Variants in AOAH observed in about 807,000 individuals in gnomAD.
The protein encoded by AOAH is acyloxyacyl hydrolase (neutrophil).
In AOAH, 64 loss-of-function variants were observed where a neutral mutation model predicts 92.2. The observed-to-expected ratio is 0.69, with a 90% CI of 0.57 to 0.86. AOAH has a LOEUF of 0.86. AOAH is among the 40% of genes least tolerant of loss of function. The pLI, the probability that AOAH is intolerant of heterozygous loss-of-function variation, is 0.00. For synonymous variants in AOAH, 263 were observed against 254.5 expected, an observed-to-expected ratio of 1.03 and a Z score of -0.32; for missense variants, 656 against 694.6, an observed-to-expected ratio of 0.94 and a Z score of 0.62.
intron 1 of AOAH, among the ~76,000 whole-genome samples, chr7:36,711,508 C>T (rs1338240407): frequency 6.6e-6 from 1 of 152,080 alleles, no homozygotes; most frequent in African/African-American, 2.4e-5. Context: ...AGGTTTCCAC[C>T]TCAGAGCAAT....
chr7:36,534,139 C>T (rs1784867487), intron 16 of AOAH, among the ~76,000 whole-genome samples: 1 of 152,208 alleles, frequency 6.6e-6, no homozygotes, highest in African/African-American at 2.4e-5. Context: ...GTTTGTCCTG[C>T]TCCTGTGACA....
intron 12 of AOAH, 26 bp downstream of exon 12, chr7:36,594,313 G>A (rs780505527): frequency 1.2e-5 from 19 of 1,562,116 alleles, no homozygotes; most frequent in East Asian, 4.5e-5. Flanking sequence ...GTATTGAAAT[G>A]TCTGAGGGTG....
At chr7:36,618,514 C>T (rs150046648) in intron 9 of AOAH, among the ~76,000 whole-genome samples, 169 bp from the exon 10 acceptor site, 2 of 152,278 alleles carry the variant, frequency 1.3e-5, no homozygotes, top group African/African-American at 2.4e-5. Flanking sequence ...GCGAGCGAGT[C>T]GGGTTTGGGA....
intron 15 of AOAH, among the ~76,000 whole-genome samples, 199 bp from the exon 16 acceptor site, chr7:36,540,690 T>C (rs1747027002): frequency 6.6e-6 from 1 of 152,350 alleles, no homozygotes; most frequent in Admixed American, 6.5e-5. Flanking sequence ...TCCCTTGCGG[T>C]TGAGTGGACT....
At chr7:36,552,998 T>C (rs1786390723) in intron 13 of AOAH, among the ~76,000 whole-genome samples, 1 of 151,952 alleles carries the variant, frequency 6.6e-6, no homozygotes, top group Non-Finnish European at 1.5e-5. Context: ...CTTTAAGTTT[T>C]AGGGTACATG....
chr7:36,611,682 C>CAGA (rs1047850663), intron 11 of AOAH, among the ~76,000 whole-genome samples: 56 of 152,228 alleles, frequency 3.7e-4, no homozygotes, highest in African/African-American at 1.3e-3. Flanking sequence ...CCTCTGAGGC[C>CAGA]AGAAGCAGGA....
At chr7:36,679,328 C>T (rs1796494762) in intron 2 of AOAH, among the ~76,000 whole-genome samples, 1 of 149,924 alleles carries the variant, frequency 6.7e-6, no homozygotes, top group South Asian at 2.1e-4. Context: ...AGTATTGAGG[C>T]CTCAAAAAAA....
At chr7:36,586,780 A>G (rs1789361696) in intron 12 of AOAH, among the ~76,000 whole-genome samples, 1 of 152,220 alleles carries the variant, frequency 6.6e-6, no homozygotes, top group Admixed American at 6.5e-5. Flanking sequence ...TTCATTTTAG[A>G]TTATTATAAT....
At chr7:36,715,775 T>C (rs985042425) in intron 1 of AOAH, among the ~76,000 whole-genome samples, 22 of 150,312 alleles carry the variant, frequency 1.5e-4, no homozygotes, top group African/African-American at 5.4e-4. Context: ...TAGCCATATG[T>C]AGAAAGCTGA....
intron 1 of AOAH, among the ~76,000 whole-genome samples, chr7:36,706,320 C>A (rs1798407334): frequency 6.6e-6 from 1 of 152,100 alleles, no homozygotes; most frequent in African/African-American, 2.4e-5. Context: ...TGTCAATGAG[C>A]AGTAATATTT....
intron 15 of AOAH, among the ~76,000 whole-genome samples, chr7:36,541,965 T>A (rs1262681641): frequency 6.6e-6 from 1 of 152,236 alleles, no homozygotes; most frequent in Non-Finnish European, 1.5e-5. Context: ...TGTTACTTTC[T>A]CTTTTGTGTA....
intron 4 of AOAH, among the ~76,000 whole-genome samples, chr7:36,653,806 C>T (rs537643628): frequency 1.4e-4 from 21 of 152,166 alleles, no homozygotes; most frequent in Middle Eastern, 3.4e-3. Context: ...CATGTTCCTC[C>T]AGCACTGCTG....
intron 10 of AOAH, 96 bp downstream of exon 10, chr7:36,618,201 G>T: frequency 2.0e-6 from 2 of 1,019,678 alleles, no homozygotes; most frequent in Non-Finnish European, 3.1e-6. Flanking sequence ...CTAGCATCAA[G>T]CACGTTCTGA....
chr7:36,708,133 A>T (rs1798544426), intron 1 of AOAH, among the ~76,000 whole-genome samples: 1 of 78,030 alleles, frequency 1.3e-5, no homozygotes, highest in South Asian at 5.6e-4. Flanking sequence ...TTACATTTTC[A>T]AAGACTTTTT....
At chr7:36,634,798 C>CAAACT (rs1223591489) in intron 5 of AOAH, among the ~76,000 whole-genome samples, 1 of 152,148 alleles carries the variant, frequency 6.6e-6, no homozygotes, top group Admixed American at 6.5e-5. Context: ...CTGGTAATAG[C>CAAACT]AAACTATTAA....
At chr7:36,712,248 T>C (rs4723560) in intron 1 of AOAH, among the ~76,000 whole-genome samples, 50,291 of 152,038 alleles carry the variant, frequency 0.33, 9,551 homozygotes, top group East Asian at 0.55. Context: ...AACTATGAAG[T>C]CATCGTGAAC....
At chr7:36,655,404 G>A (rs1211700193) in intron 4 of AOAH, among the ~76,000 whole-genome samples, 1 of 143,790 alleles carries the variant, frequency 7.0e-6, no homozygotes, top group Non-Finnish European at 1.5e-5. Context: ...GGATGGCATG[G>A]AGTTGATAAA....
chr7:36,574,362 C>T (rs1037660895), intron 13 of AOAH, among the ~76,000 whole-genome samples: 1 of 152,154 alleles, frequency 6.6e-6, no homozygotes, highest in Non-Finnish European at 1.5e-5. Flanking sequence ...TCCTGTCTCC[C>T]CTTTTATCTT....
chr7:36,621,730 C>T lies in AOAH; in HGVS notation c.633G>A (p.Glu211=). 6.2e-7 allele frequency: 1 copy of T among 1,614,142 alleles called. No homozygotes were observed. Residue 211 remains glutamate (E), a synonymous_variant, in exon 8 of 21, where the codon GAG becomes GAA. Transcript: ENST00000617537. ...WRGRDCNDSD[E]SVYPGRRPNN... ...GTTACCTTCTACCTGGGTACACTGA[C>T]TCGTCGCTGTCATTACAGTCTCTCC...
Sources: gnomAD v4.1 joint callset for allele counts (sites outside exome capture counted in the v4.1 genomes callset) on GRCh38, gnomAD v4.1.1 for gene constraint, MANE v1.5 for transcripts, NCBI Gene and HGNC (gene_info 2026-07-23, HGNC 2026-07-21) for gene names.